The following MYO3A variants were observed in gnomAD, a reference collection of about 807,000 sequenced individuals.
MYO3A encodes myosin IIIA.
A neutral mutation model predicts 192.7 loss-of-function variants in MYO3A; 180 were observed. That is an observed-to-expected ratio of 0.93 (90% CI 0.83 to 1.06). MYO3A has a LOEUF of 1.06. Ranked by LOEUF, MYO3A falls within the 50% of genes least tolerant of loss-of-function variation. The pLI is 0.00. For synonymous variants in MYO3A, 628 were observed against 645.3 expected (o/e 0.97, Z 0.41); for missense variants, 1,896 against 1,905.0 (o/e 1.00, Z 0.09).
At chr10:26,128,605 A>T (rs1839357688) in intron 20 of MYO3A, 67 bp downstream of exon 20, 2 of 1,461,206 alleles carry the variant, frequency 1.4e-6, no homozygotes, top group East Asian at 2.3e-5. Context: ...GTACAAATGA[A>T]GCAGGACCTT....
intron 17 of MYO3A, among the ~76,000 whole-genome samples, chr10:26,118,733 G>A (rs1292650946): frequency 6.6e-6 from 1 of 151,932 alleles, no homozygotes; most frequent in Non-Finnish European, 1.5e-5. Context: ...CTGGGTTCAA[G>A]TGATTCTCCT....
At chr10:26,163,867 T>G (rs531592808) in intron 26 of MYO3A, among the ~76,000 whole-genome samples, 4 of 152,144 alleles carry the variant, frequency 2.6e-5, no homozygotes, top group Non-Finnish European at 4.4e-5. Context: ...TGTAGAACAC[T>G]AGCGTTTAAG....
chr10:26,211,864 C>T lies in MYO3A; in HGVS notation c.4752C>T (p.Pro1584=), dbSNP rs562384478. ...ANERCWAAES[P]EKEEEREPAA... The stretch of plus-strand genomic sequence containing the variant: ...GCAGGTGCTGGGCGGCGGAGAGCCC[C>T]GAGAAGGAGGAGGAGAGAGAGCCAG... The change falls in exon 35 of 35, where the codon CCC becomes CCT. Residue 1584 remains proline (P), a synonymous_variant. Transcript: ENST00000642920. 1.2e-6 allele frequency: 2 copies of T among 1,614,044 alleles called. No homozygotes were observed. The highest frequency in any genetic ancestry group is 1.7e-5 in the Admixed American group (1 of 60,006).
rs527601130 is a variant in MYO3A at position 26,164,574 on chromosome 10, A to C, written c.3000-1493A>C. Among the ~76,000 whole-genome samples the C allele has an allele frequency of 1.3e-4, 20 of 152,234 alleles. No individual in the cohort carries two copies. In the South Asian group the frequency reaches 4.2e-3, roughly 32 times the overall value. ...AATTAAGTCGCTTTTGTGAGGAAGA[A>C]GAGAGGAAAGTGGCCCTGGACACTG... On this transcript the variant is annotated intron_variant, in intron 26 of 34. Transcript: ENST00000642920.
At chr10:25,988,937 C>G (rs1839831171) in intron 4 of MYO3A, among the ~76,000 whole-genome samples, 1 of 121,482 alleles carries the variant, frequency 8.2e-6, no homozygotes, top group South Asian at 2.4e-4. Flanking sequence ...AGCCCTAAAA[C>G]TCTTTTTTTT....
intron 10 of MYO3A, among the ~76,000 whole-genome samples, chr10:26,050,639 G>A (rs1363024854): frequency 6.6e-6 from 1 of 152,218 alleles, no homozygotes; most frequent in African/African-American, 2.4e-5. Flanking sequence ...TGCCAACACA[G>A]ATATCAGATT....
intron 31 of MYO3A, among the ~76,000 whole-genome samples, chr10:26,185,443 G>A (rs932349017): frequency 7.0e-6 from 1 of 142,512 alleles, no homozygotes. Context: ...AGGTTCAAGT[G>A]ATCCTTCTGC....
At chr10:26,152,005 A>C (rs192347510) in intron 23 of MYO3A, among the ~76,000 whole-genome samples, 137 of 152,322 alleles carry the variant, frequency 9.0e-4, no homozygotes, top group African/African-American at 3.2e-3. Flanking sequence ...GACTTTAACA[A>C]TTGCCATCCC....
chr10:26,051,754 A>G (rs1473049694), intron 10 of MYO3A, among the ~76,000 whole-genome samples: 2 of 152,044 alleles, frequency 1.3e-5, no homozygotes, highest in Non-Finnish European at 2.9e-5. Context: ...AGGTCAAATC[A>G]GGCTTGCCAC....
At chr10:26,052,528 C>T (rs909976248) in intron 10 of MYO3A, among the ~76,000 whole-genome samples, 1 of 152,200 alleles carries the variant, frequency 6.6e-6, no homozygotes, top group African/African-American at 2.4e-5. Context: ...AATCTAATCT[C>T]CTAGGGCACA....
At chr10:25,947,889 C>T (rs191713063) in intron 2 of MYO3A, among the ~76,000 whole-genome samples, 11 of 152,234 alleles carry the variant, frequency 7.2e-5, no homozygotes, top group Non-Finnish European at 1.6e-4. Flanking sequence ...TTTCAGGCCT[C>T]AAGGGGCTTA....
chr10:26,053,826 A>AAAAAAAAAAAG (rs145059792), intron 10 of MYO3A, among the ~76,000 whole-genome samples: 9 of 151,498 alleles, frequency 5.9e-5, no homozygotes, highest in Non-Finnish European at 8.8e-5. Flanking sequence ...CTCCGTTTCA[A>AAAAAAAAAAAG]AAAAAGAAAA....
At chr10:26,127,897 CA>C (rs1227989909) in intron 19 of MYO3A, among the ~76,000 whole-genome samples, 2 of 151,706 alleles carry the variant, frequency 1.3e-5, no homozygotes, top group Admixed American at 1.3e-4. Context: ...AAATTATAAG[CA>C]AATGATCCAA....
At chr10:26,118,343 C>T (rs1838645271) in intron 17 of MYO3A, among the ~76,000 whole-genome samples, 1 of 152,166 alleles carries the variant, frequency 6.6e-6, no homozygotes, top group Non-Finnish European at 1.5e-5. Flanking sequence ...TCAGAGTTTC[C>T]TTAGAAAAAT....
chr10:26,020,931 C>T (rs1373598669), intron 7 of MYO3A, among the ~76,000 whole-genome samples: 2 of 152,208 alleles, frequency 1.3e-5, no homozygotes, highest in Non-Finnish European at 2.9e-5. Flanking sequence ...GGTAAAACCA[C>T]ATCAAGGTTT....
intron 17 of MYO3A, among the ~76,000 whole-genome samples, chr10:26,106,889 C>T (rs575069954): frequency 1.3e-5 from 2 of 151,668 alleles, no homozygotes; most frequent in African/African-American, 4.8e-5. Context: ...TATTTTATTT[C>T]GAATTTTTGC....
At position 26,065,991 on chromosome 10, in the gene MYO3A, C is replaced by T. The variant is rs1317602715; in HGVS notation, c.954-984C>T. On this transcript the variant is annotated intron_variant, in intron 10 of 34. Transcript: ENST00000642920. ...ATTAGCCGGGCATGGTGGCGCGTGC[C>T]TATAGTCCCAGCTACACGGGAGGCT... 2.5e-5 allele frequency among the ~76,000 whole-genome samples: 2 copies of T among 78,562 alleles called. 1 individual carries two copies. The highest frequency in any genetic ancestry group is 5.8e-5 in the Non-Finnish European group (2 of 34,730). The allele number at this position is 78,562 out of a possible 152,430, so 51.5% of individuals were successfully genotyped here.
chr10:26,179,086 C>T (rs1842480611), intron 31 of MYO3A, among the ~76,000 whole-genome samples: 2 of 82,178 alleles, frequency 2.4e-5, no homozygotes, highest in African/African-American at 4.6e-5. Context: ...CGTGCCCAGC[C>T]TAATTTTTTT....
Position 26,176,779 on chromosome 10 carries a change from C to T in MYO3A, c.4372C>T (p.Leu1458Phe). The T allele has an allele frequency of 6.2e-7, 1 of 1,613,878 alleles. No homozygotes were observed. Among genetic ancestry groups the T allele is most frequent in the Non-Finnish European group, 8.5e-7 (1 of 1,179,752 alleles). ...GATTTTGTCACAGCAACTGAAGTCA[C>T]TTTATCTGGGTGTCTCGCACCATAA... ...EMILSQQLKS[L>F]YLGVSHHKPI... The change falls in exon 31 of 35, where the codon CTT (leucine) becomes TTT (phenylalanine). Residue 1458 changes from leucine (L) to phenylalanine (F), a missense_variant. Physicochemically the swap from Leu to Phe is conservative, Grantham distance 22. Transcript: ENST00000642920.
Sources: allele counts gnomAD v4.1 joint callset (sites outside exome capture counted in the v4.1 genomes callset), GRCh38; gene constraint gnomAD v4.1.1; transcripts MANE v1.5; gene names NCBI Gene and HGNC (gene_info 2026-07-23, HGNC 2026-07-21).